UGT1A8: variants seen among roughly 807,000 people sequenced by gnomAD.
UGT1A8 encodes the protein UDP glucuronosyltransferase family 1 member A8, also known as UDP-glucuronosyltransferase 1A8.
Under a neutral mutation model 45.3 loss-of-function variants are expected in UGT1A8, and 39 were observed. That is an observed-to-expected ratio of 0.86 (90% CI 0.67 to 1.12). UGT1A8 has a LOEUF of 1.12. Among genes scored for constraint, UGT1A8 ranks in the 50% most tolerant of loss-of-function variants. The pLI is 0.00. For synonymous variants in UGT1A8, 275 were observed against 249.2 expected (o/e 1.10, Z -0.97); for missense variants, 719 against 664.9 (o/e 1.08, Z -0.90).
At chr2:233,669,267 A>G (rs995327900) in intron 1 of UGT1A8, among the ~76,000 whole-genome samples, 4 of 148,548 alleles carry the variant, frequency 2.7e-5, no homozygotes, top group South Asian at 2.1e-4. Context: ...TTTTTTTTCT[A>G]TTTTTTAAAA....
chr2:233,741,319 C>A (rs2125834585), intron 1 of UGT1A8, among the ~76,000 whole-genome samples: 1 of 151,674 alleles, frequency 6.6e-6, no homozygotes, highest in South Asian at 2.1e-4. Flanking sequence ...CCAACTCATT[C>A]TACTCTACCC....
chr2:233,671,876 A>G, intron 1 of UGT1A8: 2 of 1,531,494 alleles, frequency 1.3e-6, no homozygotes, highest in Non-Finnish European at 1.8e-6. Flanking sequence ...TATTTCTCCC[A>G]CCTACTGTAT....
chr2:233,649,818 G>A (rs1353835301), intron 1 of UGT1A8, among the ~76,000 whole-genome samples: 2 of 152,126 alleles, frequency 1.3e-5, no homozygotes, highest in Non-Finnish European at 2.9e-5. Flanking sequence ...TTACCATGAT[G>A]TTTGGTCTTG....
chr2:233,714,950 C>T (rs2076424956), intron 1 of UGT1A8, among the ~76,000 whole-genome samples: 1 of 152,298 alleles, frequency 6.6e-6, no homozygotes, highest in South Asian at 2.1e-4. Context: ...GATCTTGGCT[C>T]ATTGCAACCT....
chr2:233,767,223 A>G (rs1699340574), intron 2 of UGT1A8, 58 bp downstream of exon 2: 3 of 1,610,856 alleles, frequency 1.9e-6, no homozygotes, highest in South Asian at 1.1e-5. Flanking sequence ...CTAATCCCAG[A>G]CTTCCAGCTT....
At chr2:233,622,730 A>G (rs1336800450) in intron 1 of UGT1A8, among the ~76,000 whole-genome samples, 1 of 152,112 alleles carries the variant, frequency 6.6e-6, no homozygotes, top group Non-Finnish European at 1.5e-5. Flanking sequence ...CTTTGGTTTA[A>G]TTAGATCCCA....
At chr2:233,732,524 A>G (rs1199898466) in intron 1 of UGT1A8, among the ~76,000 whole-genome samples, 2 of 152,212 alleles carry the variant, frequency 1.3e-5, no homozygotes, top group African/African-American at 2.4e-5. Context: ...AGCTTTCTAC[A>G]TATGGCCAGT....
intron 1 of UGT1A8, among the ~76,000 whole-genome samples, chr2:233,659,820 A>C (rs1207123878): frequency 6.6e-6 from 1 of 152,256 alleles, no homozygotes; most frequent in Admixed American, 6.5e-5. Flanking sequence ...AGTCAAAAGC[A>C]GTCTTCAATA....
intron 1 of UGT1A8, among the ~76,000 whole-genome samples, chr2:233,634,703 G>A (rs995145552): frequency 1.3e-5 from 2 of 151,226 alleles, no homozygotes; most frequent in African/African-American, 4.9e-5. Flanking sequence ...GTCTTTACAC[G>A]TGAAATGGGT....
chr2:233,705,851 G>A (rs1384426645), intron 1 of UGT1A8, among the ~76,000 whole-genome samples: 1 of 152,174 alleles, frequency 6.6e-6, no homozygotes, highest in Non-Finnish European at 1.5e-5. Context: ...GAAGTGGGAA[G>A]CTGAGGCAGG....
intron 1 of UGT1A8, among the ~76,000 whole-genome samples, chr2:233,668,506 C>T (rs1375098038): frequency 2.0e-5 from 3 of 152,156 alleles, no homozygotes. Flanking sequence ...AATAGTGCCC[C>T]AATAAACATA....
rs766652612 is a variant in UGT1A8 at position 233,682,141 on chromosome 2, A to T, written c.855+63579A>T. 1.9e-6 allele frequency: 3 copies of T among 1,614,192 alleles called. No homozygotes were observed. Among genetic ancestry groups the T allele is most frequent in the African/African-American group, 1.3e-5 (1 of 75,050 alleles). On this transcript the variant is annotated intron_variant, in intron 1 of 4. Coordinates refer to ENST00000373450, the MANE Select transcript of UGT1A8 (RefSeq NM_019076.5). ...CAGAGGTGAGTTGGCAACTGGGAAG[A>T]TCACTGAATTGCACAGTGAAGACTT...
chr2:233,668,506 C>A (rs1375098038), intron 1 of UGT1A8, among the ~76,000 whole-genome samples: 1 of 152,156 alleles, frequency 6.6e-6, no homozygotes, highest in Non-Finnish European at 1.5e-5. Flanking sequence ...AATAGTGCCC[C>A]AATAAACATA....
At chr2:233,705,180 T>G (rs1217775980) in intron 1 of UGT1A8, among the ~76,000 whole-genome samples, 1 of 151,938 alleles carries the variant, frequency 6.6e-6, no homozygotes, top group East Asian at 1.9e-4. Context: ...AGGGGAAGTA[T>G]GCATTGGTAC....
intron 1 of UGT1A8, among the ~76,000 whole-genome samples, chr2:233,730,472 G>T (rs2078038182): frequency 6.6e-6 from 1 of 152,162 alleles, no homozygotes; most frequent in South Asian, 2.1e-4. Context: ...GGAGACCTAG[G>T]CACTCACATG....
At chr2:233,636,894 C>T (rs1245268030) in intron 1 of UGT1A8, 9 of 1,614,046 alleles carry the variant, frequency 5.6e-6, no homozygotes, top group Non-Finnish European at 7.6e-6. Context: ...TTTCGCATTG[C>T]AGGAGTTTGT....
At chr2:233,750,500 A>G (rs1694475449) in intron 1 of UGT1A8, 1 of 152,024 alleles carries the variant, frequency 6.6e-6, no homozygotes, top group South Asian at 2.1e-4. Flanking sequence ...AGGAGGAGCC[A>G]AATGTTAATT....
At chr2:233,722,817 G>C (rs1300822952) in intron 1 of UGT1A8, among the ~76,000 whole-genome samples, 1 of 147,336 alleles carries the variant, frequency 6.8e-6, no homozygotes, top group Admixed American at 6.7e-5. Flanking sequence ...ATTTTTTCAA[G>C]TTATTTTGTA....
chr2:233,722,990 G>A (rs976354785), intron 1 of UGT1A8, among the ~76,000 whole-genome samples: 13 of 147,090 alleles, frequency 8.8e-5, no homozygotes, highest in African/African-American at 3.0e-4. Flanking sequence ...CTGTCTCAGC[G>A]TGGCAGAGGC....
Sources: allele counts gnomAD v4.1 joint callset (sites outside exome capture counted in the v4.1 genomes callset), GRCh38; gene constraint gnomAD v4.1.1; transcripts MANE v1.5; gene names NCBI Gene and HGNC (gene_info 2026-07-23, HGNC 2026-07-21).